The following ADAMTS18 variants were observed in gnomAD, a reference collection of about 807,000 sequenced individuals.
ADAMTS18 encodes A disintegrin and metalloproteinase with thrombospondin motifs 18.
Under a neutral mutation model 165.9 loss-of-function variants are expected in ADAMTS18, and 157 were observed. The ratio of observed to expected loss-of-function variants is 0.95; its 90% CI spans 0.83 to 1.08. ADAMTS18 has a LOEUF of 1.08. Ranked by LOEUF, ADAMTS18 falls within the 50% of genes least tolerant of loss-of-function variation. ADAMTS18 has a pLI of 0.00. For synonymous variants in ADAMTS18, 782 were observed against 578.2 expected, an observed-to-expected ratio of 1.35 and a Z score of -5.06; for missense variants, 2,040 against 1,534.0, an observed-to-expected ratio of 1.33 and a Z score of -5.51.
At chr16:77,368,811 A>T (rs1466261365) in intron 3 of ADAMTS18, among the ~76,000 whole-genome samples, 1 of 152,164 alleles carries the variant, frequency 6.6e-6, no homozygotes, top group Non-Finnish European at 1.5e-5. Flanking sequence ...GGGTCTAGAG[A>T]ATCTGATGAG....
chr16:77,398,790 G>A (rs1320727625), intron 3 of ADAMTS18, among the ~76,000 whole-genome samples: 1 of 152,090 alleles, frequency 6.6e-6, no homozygotes, highest in South Asian at 2.1e-4. Flanking sequence ...AATTCTCCAT[G>A]GTTGACAGCT....
chr16:77,360,050 T>G (rs945302298), intron 7 of ADAMTS18, among the ~76,000 whole-genome samples: 1 of 152,162 alleles, frequency 6.6e-6, no homozygotes, highest in African/African-American at 2.4e-5. Context: ...TACAATACAG[T>G]GTGTGCGAAC....
chr16:77,433,609 A>G (rs1369081374), intron 2 of ADAMTS18: 1 of 152,202 alleles, frequency 6.6e-6, no homozygotes, highest in Non-Finnish European at 1.5e-5. Flanking sequence ...CTTCTCCATG[A>G]CTCCATCCTG....
chr16:77,431,325 G>C lies in ADAMTS18; in HGVS notation c.465C>G (p.Ser155=). The C allele has an allele frequency of 6.2e-7, 1 of 1,614,134 alleles. No homozygotes were observed. The highest frequency in any genetic ancestry group is 8.5e-7 in the Non-Finnish European group (1 of 1,180,028). The change falls in exon 3 of 23, where the codon TCC becomes TCG. Residue 155 remains serine, a synonymous_variant. Transcript: ENST00000282849. ...YQGFIRNDSS[S]SVAVSTCAGL... is the part of the protein sequence containing the mutation. ...CAGCACACGTAGACACAGCGACAGA[G>C]GAGGAGCTGTCATTTCTGATAAATC...
At position 77,291,293 on chromosome 16, in the gene ADAMTS18, A is replaced by G; in HGVS notation, c.3375T>C (p.Ala1125=). Residue 1125 remains alanine, a synonymous_variant, in exon 21 of 23, where the codon GCT becomes GCC. Transcript: ENST00000282849. Reference sequence around the variant, plus strand: ...GCTGCCACGGCAATGAATACCATCCAGCTACCATGTTGTACACTGGATGGG... The same window carrying G: ...GCTGCCACGGCAATGAATACCATCCGGCTACCATGTTGTACACTGGATGGG... ...CPAHPVYNMV[A]GWYSLPWQQC... The G allele has an allele frequency of 3.7e-6, 6 of 1,614,182 alleles. No homozygotes were observed. The highest frequency in any genetic ancestry group is 5.1e-6 in the Non-Finnish European group (6 of 1,180,022).
intron 3 of ADAMTS18, among the ~76,000 whole-genome samples, chr16:77,400,482 TTTG>T (rs1405547371): frequency 6.6e-4 from 69 of 103,920 alleles, no homozygotes; most frequent in African/African-American, 1.8e-3. Context: ...GTGTGTGTGT[TTTG>T]TTTTTTTTTT....
At position 77,362,108 on chromosome 16, in the gene ADAMTS18, G is replaced by C. The variant is rs762042420; in HGVS notation, c.1213C>G (p.Leu405Val). 71 of 1,613,926 alleles carry C rather than the reference G, an allele frequency of 4.4e-5. No homozygotes were observed. The highest frequency in any genetic ancestry group is 1.6e-4 in the Middle Eastern group (1 of 6,080). ...CSWKNEPCDT[L>V]GFAPISGMCS... is the part of the protein sequence containing the mutation. ...GAAGGATCTGTTCATACCATACCTAGAGTGTCACATGGTTCATTCTTCCAA... is the reference window on the plus strand; with the variant it reads ...GAAGGATCTGTTCATACCATACCTACAGTGTCACATGGTTCATTCTTCCAA... Residue 405 changes from leucine to valine, a missense_variant, in exon 7 of 23, where the codon CTA becomes GTA. Physicochemically the swap from Leu to Val is conservative, Grantham distance 32. Transcript: ENST00000282849.
At chr16:77,407,590 A>G (rs377187439) in intron 3 of ADAMTS18, among the ~76,000 whole-genome samples, 2 of 152,136 alleles carry the variant, frequency 1.3e-5, no homozygotes, top group South Asian at 2.1e-4. Flanking sequence ...GTATTAGAAT[A>G]AAGACTTTTT....
At chr16:77,325,792 A>G (rs2056084111) in intron 13 of ADAMTS18, 74 bp downstream of exon 13, 1 of 1,451,352 alleles carries the variant, frequency 6.9e-7, no homozygotes, top group Admixed American at 1.9e-5. Context: ...TACAAGCAGC[A>G]ATTTCTTCTG....
At chr16:77,428,188 C>A (rs1419736499) in intron 3 of ADAMTS18, among the ~76,000 whole-genome samples, 1 of 152,178 alleles carries the variant, frequency 6.6e-6, no homozygotes, top group Non-Finnish European at 1.5e-5. Context: ...CAGTCTCATT[C>A]ATCTCTTCTC....
At chr16:77,359,513 TTTTAG>T in intron 7 of ADAMTS18, 90 bp from the exon 8 acceptor site, 1 of 1,064,728 alleles carries the variant, frequency 9.4e-7, no homozygotes, top group African/African-American at 2.2e-5. Context: ...TTCTACACAG[TTTTAG>T]TTTAATAGAT....
intron 3 of ADAMTS18, among the ~76,000 whole-genome samples, chr16:77,403,905 G>A (rs1339689380): frequency 6.6e-6 from 1 of 152,106 alleles, no homozygotes; most frequent in African/African-American, 2.4e-5. Context: ...TTGGAGAAGA[G>A]GGTTGGCTGG....
At chr16:77,379,567 C>A (rs975133578) in intron 3 of ADAMTS18, among the ~76,000 whole-genome samples, 1 of 152,186 alleles carries the variant, frequency 6.6e-6, no homozygotes, top group Non-Finnish European at 1.5e-5. Context: ...CGGCTCACTG[C>A]AACCTCCACC....
In ADAMTS18 at chr16:77,321,092, C is replaced by G. The variant is rs763244024; in HGVS notation, c.2274G>C (p.Gln758His). 3 of 1,614,148 alleles carry G rather than the reference C, an allele frequency of 1.9e-6. No homozygotes were observed. The highest frequency in any genetic ancestry group is 2.5e-6 in the Non-Finnish European group (3 of 1,180,004). ...CKFYKGLYLNQHKANEYYPVV... is the reference protein window; with the variant it reads ...CKFYKGLYLNHHKANEYYPVV... The stretch of plus-strand genomic sequence containing the variant: ...AGCATCTCTCACCATTTGCTTTATG[C>G]TGGTTGAGGTACAGGCCTTTATAAA... The change falls in exon 15 of 23, where the codon CAG (glutamine) becomes CAC (histidine). Residue 758 changes from glutamine to histidine, a missense_variant. Gln to His is a conservative substitution (Grantham distance 24). Coordinates refer to ENST00000282849, the MANE Select transcript of ADAMTS18 (RefSeq NM_199355.4).
rs568003760 is a variant in ADAMTS18 at position 77,316,478 on chromosome 16, C to A, written c.2532+3371G>T. Among the ~76,000 whole-genome samples, 5 of 151,952 alleles carry A rather than the reference C, an allele frequency of 3.3e-5. No individual in the cohort carries two copies. In the South Asian group the frequency reaches 1.0e-3, roughly 32 times the overall value. ...ACCATATTGGCCAGGATGGTGTAAA[C>A]CACCCTCTTCCTTGACATCCTGATG... On this transcript the variant is annotated intron_variant, in intron 16 of 22. Transcript: ENST00000282849.
Position 77,431,469 on chromosome 16 carries a change from T to C in ADAMTS18, c.321A>G (p.Glu107=). 6.2e-7 allele frequency: 1 copy of C among 1,614,208 alleles called. No homozygotes were observed. The highest frequency in any genetic ancestry group is 8.5e-7 in the Non-Finnish European group (1 of 1,180,042). ...LHYRFSAFGQ[E]LHLELKPSAI... ...CCGAGGGCTTAAGTTCTAAGTGCAG[T>C]TCCTGTCCAAATGCTGAAAATCGGT... The change falls in exon 3 of 23, where the codon GAA becomes GAG. Residue 107 remains glutamate, a synonymous_variant. Coordinates refer to ENST00000282849, the MANE Select transcript of ADAMTS18 (RefSeq NM_199355.4).
chr16:77,385,681 C>T (rs536565521), intron 3 of ADAMTS18, among the ~76,000 whole-genome samples: 58 of 152,288 alleles, frequency 3.8e-4, no homozygotes, highest in African/African-American at 1.2e-3. Context: ...TGATTAAGTA[C>T]GCTACGTGGC....
At chr16:77,415,190 A>G (rs1045225464) in intron 3 of ADAMTS18, among the ~76,000 whole-genome samples, 1 of 152,238 alleles carries the variant, frequency 6.6e-6, no homozygotes, top group Non-Finnish European at 1.5e-5. Flanking sequence ...CATTGCGTCT[A>G]CCTGTCAGCC....
chr16:77,427,801 T>C (rs2057692147), intron 3 of ADAMTS18, among the ~76,000 whole-genome samples: 1 of 152,152 alleles, frequency 6.6e-6, no homozygotes, highest in Admixed American at 6.5e-5. Flanking sequence ...GGGAGGTGGG[T>C]GCATTTTAAG....
Sources: allele counts gnomAD v4.1 joint callset (sites outside exome capture counted in the v4.1 genomes callset), GRCh38; gene constraint gnomAD v4.1.1; transcripts MANE v1.5; gene names NCBI Gene and HGNC (gene_info 2026-07-23, HGNC 2026-07-21).